Variants in PTPRD observed in about 807,000 individuals in gnomAD.
PTPRD encodes receptor-type tyrosine-protein phosphatase delta.
Under a neutral mutation model 214.5 loss-of-function variants are expected in PTPRD, and 34 were observed. The observed-to-expected ratio is 0.16, with a 90% CI of 0.12 to 0.21. The LOEUF is 0.21. Ranked by LOEUF, PTPRD falls within the 10% of genes least tolerant of loss-of-function variation. The probability of loss-of-function intolerance (pLI) is 1.00; values close to 1 mark genes in which losing one functional copy is unlikely to be tolerated. For missense variants in PTPRD, 2,545 were observed against 2,398.7 expected, an observed-to-expected ratio of 1.06 and a Z score of -1.27; for synonymous variants, 1,128 against 845.7, an observed-to-expected ratio of 1.33 and a Z score of -5.79.
chr9:8,666,081 T>C (rs750463115), intron 12 of PTPRD, among the ~76,000 whole-genome samples: 1 of 151,996 alleles, frequency 6.6e-6, no homozygotes, highest in Non-Finnish European at 1.5e-5. Context: ...TATTTAAAAC[T>C]ATCAGCATTT....
rs370195815 is a variant in PTPRD at position 8,465,448 on chromosome 9, C to T, written c.3714+18G>A. 6.5e-5 allele frequency: 104 copies of T among 1,602,744 alleles called. 1 individual carries two copies. The Middle Eastern group carries it at 1.2e-3, about 18-fold the overall frequency. On this transcript the variant is annotated intron_variant, in intron 32 of 45. Transcript: ENST00000381196. ...ATAAGCGTACCATAGGAAACAGATG[C>T]CATCATAATTAACTTACAGACTCTG...
chr9:8,818,450 G>A (rs567280541), intron 11 of PTPRD, among the ~76,000 whole-genome samples: 12 of 152,258 alleles, frequency 7.9e-5, no homozygotes, highest in Admixed American at 2.0e-4. Flanking sequence ...TACAGGCCAG[G>A]TAGTGTCCTA....
intron 7 of PTPRD, among the ~76,000 whole-genome samples, chr9:9,708,377 A>T (rs2097665497): frequency 6.6e-6 from 1 of 152,130 alleles, no homozygotes; most frequent in Non-Finnish European, 1.5e-5. Flanking sequence ...CCCAAATGAG[A>T]CAGACTATAT....
intron 8 of PTPRD, among the ~76,000 whole-genome samples, chr9:9,426,569 A>G (rs1247095851): frequency 1.3e-5 from 2 of 152,160 alleles, no homozygotes; most frequent in Non-Finnish European, 2.9e-5. Context: ...TGGATCTCCC[A>G]GCACGGAGTT....
intron 9 of PTPRD, among the ~76,000 whole-genome samples, chr9:9,382,826 G>A (rs2062742168): frequency 6.6e-6 from 1 of 152,032 alleles, no homozygotes; most frequent in African/African-American, 2.4e-5. Context: ...GAATTGAAAT[G>A]AGAATTTCAG....
intron 10 of PTPRD, among the ~76,000 whole-genome samples, chr9:9,038,268 C>T (rs1435615470): frequency 2.0e-5 from 3 of 152,056 alleles, no homozygotes; most frequent in Admixed American, 6.5e-5. Flanking sequence ...GGAGCATGAG[C>T]CCAGATGGGC....
At chr9:10,509,876 A>T (rs2047422171) in intron 2 of PTPRD, among the ~76,000 whole-genome samples, 1 of 151,926 alleles carries the variant, frequency 6.6e-6, no homozygotes, top group Non-Finnish European at 1.5e-5. Flanking sequence ...TCCTCTATTT[A>T]TCTGTATATA....
intron 2 of PTPRD, among the ~76,000 whole-genome samples, chr9:10,403,389 GTTAA>G (rs1291643665): frequency 4.6e-5 from 7 of 150,724 alleles, no homozygotes; most frequent in East Asian, 3.9e-4. Flanking sequence ...TGAAATTTTA[GTTAA>G]TTAATTTTTT....
At chr9:10,603,795 TA>T (rs1285783966) in intron 2 of PTPRD, among the ~76,000 whole-genome samples, 1 of 151,704 alleles carries the variant, frequency 6.6e-6, no homozygotes, top group Non-Finnish European at 1.5e-5. Context: ...CCAAGAAGAA[TA>T]AAAAGATCAT....
At chr9:9,033,851 T>C (rs1229409983) in intron 10 of PTPRD, among the ~76,000 whole-genome samples, 1 of 152,094 alleles carries the variant, frequency 6.6e-6, no homozygotes, top group East Asian at 1.9e-4. Context: ...GTACCTGATT[T>C]TCTAAATTGC....
chr9:10,479,838 C>T (rs1010569645), intron 2 of PTPRD, among the ~76,000 whole-genome samples: 3 of 151,700 alleles, frequency 2.0e-5, no homozygotes, highest in Non-Finnish European at 4.4e-5. Context: ...GAACAAACCG[C>T]GGAGCTGTGG....
intron 9 of PTPRD, among the ~76,000 whole-genome samples, chr9:9,386,660 A>C (rs1367663698): frequency 6.6e-6 from 1 of 152,210 alleles, no homozygotes; most frequent in Non-Finnish European, 1.5e-5. Flanking sequence ...AATATTTCCT[A>C]ATTTTCTAAA....
At chr9:9,102,391 G>A (rs970564723) in intron 10 of PTPRD, among the ~76,000 whole-genome samples, 2 of 152,198 alleles carry the variant, frequency 1.3e-5, no homozygotes, top group Non-Finnish European at 2.9e-5. Flanking sequence ...GCCAGTTTGA[G>A]CCATTGAACC....
At chr9:10,358,951 A>C (rs922924309) in intron 2 of PTPRD, among the ~76,000 whole-genome samples, 1 of 152,164 alleles carries the variant, frequency 6.6e-6, no homozygotes, top group East Asian at 1.9e-4. Context: ...TTGTAAACTC[A>C]TACTTTGCCA....
intron 2 of PTPRD, among the ~76,000 whole-genome samples, chr9:10,491,546 T>C (rs757804844): frequency 1.3e-5 from 2 of 151,834 alleles, no homozygotes; most frequent in Non-Finnish European, 2.9e-5. Context: ...AAAAAACCCA[T>C]TGAAATGGTT....
chr9:9,049,393 G>C (rs2099680266), intron 10 of PTPRD, among the ~76,000 whole-genome samples: 1 of 152,156 alleles, frequency 6.6e-6, no homozygotes, highest in Admixed American at 6.6e-5. Context: ...AGTGGCTCAA[G>C]TTAACCAACC....
intron 7 of PTPRD, among the ~76,000 whole-genome samples, chr9:9,575,087 T>C (rs2088001275): frequency 1.3e-5 from 2 of 152,296 alleles, no homozygotes; most frequent in African/African-American, 4.8e-5. Context: ...TTAATGTATT[T>C]TGCTAGATAA....
At chr9:10,097,156 T>C (rs1779939045) in intron 3 of PTPRD, among the ~76,000 whole-genome samples, 1 of 143,930 alleles carries the variant, frequency 6.9e-6, no homozygotes, top group African/African-American at 2.5e-5. Flanking sequence ...TAGTATAGTT[T>C]GAAGTCAGGT....
intron 7 of PTPRD, among the ~76,000 whole-genome samples, chr9:9,722,114 C>A (rs1450287052): frequency 6.6e-6 from 1 of 151,938 alleles, no homozygotes; most frequent in South Asian, 2.1e-4. Flanking sequence ...AAAACTCTCC[C>A]TTTTAAAGTA....
Sources: gnomAD v4.1 joint callset for allele counts (sites outside exome capture counted in the v4.1 genomes callset) on GRCh38, gnomAD v4.1.1 for gene constraint, MANE v1.5 for transcripts, NCBI Gene and HGNC (gene_info 2026-07-23, HGNC 2026-07-21) for gene names.